The following ZNF385D variants were observed in gnomAD, a reference collection of about 807,000 sequenced individuals.
ZNF385D encodes the protein zinc finger protein 659.
A neutral mutation model predicts 35.8 loss-of-function variants in ZNF385D; 15 were observed. The observed-to-expected ratio is 0.42, with a 90% CI of 0.28 to 0.64. The LOEUF is 0.64. Among genes scored for constraint, ZNF385D ranks in the 30% least tolerant of loss-of-function variants. The probability of loss-of-function intolerance (pLI) is 0.23; values close to 1 mark genes in which losing one functional copy is unlikely to be tolerated. For missense variants in ZNF385D, 474 were observed against 494.6 expected (o/e 0.96, Z 0.39); for synonymous variants, 212 against 186.8 (o/e 1.13, Z -1.10).
rs530046982 is a variant in ZNF385D at position 21,437,316 on chromosome 3, A to C, written c.440-113T>G. The C allele has an allele frequency of 6.9e-6, 7 of 1,018,280 alleles. No individual in the cohort carries two copies. In the East Asian group the frequency reaches 1.6e-4, roughly 23 times the overall value. 63.1% of individuals were successfully genotyped at this position (1,018,280 alleles called of 1,614,324 possible). Reference sequence around the variant, plus strand: ...GCTTATAATGATAAGAGCAGCTAGCAATTGCTGTTTGTCAAGGATGCATCA... The same window carrying C: ...GCTTATAATGATAAGAGCAGCTAGCCATTGCTGTTTGTCAAGGATGCATCA... On this transcript the variant is annotated intron_variant, in intron 4 of 7. Transcript: ENST00000281523.
intron 3 of ZNF385D, among the ~76,000 whole-genome samples, chr3:21,770,445 T>C (rs1185394272): frequency 1.3e-5 from 2 of 152,080 alleles, no homozygotes; most frequent in African/African-American, 4.8e-5. Context: ...AACAGACACT[T>C]CTCAAAAGAA....
intron 2 of ZNF385D, among the ~76,000 whole-genome samples, chr3:21,641,396 G>A (rs1438478726): frequency 1.3e-5 from 2 of 151,350 alleles, no homozygotes; most frequent in Non-Finnish European, 2.9e-5. Context: ...GAGGTATGTG[G>A]GGGAGTAAAC....
intron 2 of ZNF385D, among the ~76,000 whole-genome samples, chr3:21,597,495 A>G (rs1219461884): frequency 6.6e-6 from 1 of 152,176 alleles, no homozygotes; most frequent in Non-Finnish European, 1.5e-5. Flanking sequence ...TTTATAAAGG[A>G]GAAAGAGAGA....
chr3:21,613,247 A>C (rs1227552772), intron 2 of ZNF385D, among the ~76,000 whole-genome samples: 2 of 152,024 alleles, frequency 1.3e-5, no homozygotes, highest in African/African-American at 4.8e-5. Context: ...TGTATACCCA[A>C]CTCAACTTCC....
At position 22,007,534 on chromosome 3, in the gene ZNF385D, G is replaced by A. The variant is rs1696287694; in HGVS notation, c.325+161283C>T. ...ATGGCATTCATTGCTGGCTTCATGG[G>A]AAATGGTTATGTAATTTTGAAAAAT... On this transcript the variant is annotated intron_variant, in intron 3 of 5. Coordinates refer to the ZNF385D transcript ENST00000494108. Among the ~76,000 whole-genome samples the A allele has an allele frequency of 2.6e-5, 4 of 152,184 alleles. No homozygotes were observed. In the South Asian group the frequency reaches 8.3e-4, roughly 31 times the overall value.
intron 4 of ZNF385D, among the ~76,000 whole-genome samples, chr3:21,482,550 A>C (rs1704707441): frequency 6.6e-6 from 1 of 152,128 alleles, no homozygotes; most frequent in Non-Finnish European, 1.5e-5. Context: ...AAACCCAAGA[A>C]ACCTGGGAGA....
At chr3:22,314,414 T>C (rs1483262882) in intron 2 of ZNF385D, among the ~76,000 whole-genome samples, 1 of 152,188 alleles carries the variant, frequency 6.6e-6, no homozygotes, top group East Asian at 1.9e-4. Context: ...AGAATAATAG[T>C]CTCCAATCCC....
At chr3:22,269,762 C>T (rs1701079198) in intron 2 of ZNF385D, among the ~76,000 whole-genome samples, 2 of 151,782 alleles carry the variant, frequency 1.3e-5, no homozygotes, top group Non-Finnish European at 2.9e-5. Context: ...CCTCCAAACA[C>T]CACCCTATAG....
chr3:22,157,636 A>G (rs1167605011), intron 3 of ZNF385D, among the ~76,000 whole-genome samples: 1 of 152,152 alleles, frequency 6.6e-6, no homozygotes, highest in Non-Finnish European at 1.5e-5. Flanking sequence ...CCTCTTATGC[A>G]TTGATTAGTT....
At chr3:21,778,207 T>G (rs1175794710) in intron 3 of ZNF385D, among the ~76,000 whole-genome samples, 1 of 151,884 alleles carries the variant, frequency 6.6e-6, no homozygotes, top group East Asian at 1.9e-4. Context: ...ATACCCAATT[T>G]TCTCAGGCTC....
intron 3 of ZNF385D, among the ~76,000 whole-genome samples, chr3:22,101,022 C>A (rs1701911942): frequency 1.3e-5 from 2 of 151,802 alleles, no homozygotes; most frequent in Non-Finnish European, 2.9e-5. Context: ...ATGGGCTACC[C>A]AAACAGTTTC....
intron 3 of ZNF385D, among the ~76,000 whole-genome samples, chr3:21,989,144 G>C (rs545867701): frequency 6.6e-6 from 1 of 152,124 alleles, no homozygotes; most frequent in African/African-American, 2.4e-5. Context: ...GCTGTAGACC[G>C]GAGCTGTTCC....
At chr3:21,955,808 T>C (rs577307366) in intron 3 of ZNF385D, among the ~76,000 whole-genome samples, 1 of 152,246 alleles carries the variant, frequency 6.6e-6, no homozygotes, top group South Asian at 2.1e-4. Context: ...ACATGCTAAG[T>C]ACTACTGGTG....
intron 3 of ZNF385D, among the ~76,000 whole-genome samples, chr3:21,815,507 G>A (rs1424489268): frequency 2.6e-5 from 4 of 152,162 alleles, no homozygotes; most frequent in Non-Finnish European, 5.9e-5. Context: ...TATCACCACT[G>A]ATCCCACAGA....
At chr3:21,519,815 C>A (rs1002960212) in intron 3 of ZNF385D, among the ~76,000 whole-genome samples, 1 of 152,148 alleles carries the variant, frequency 6.6e-6, no homozygotes, top group East Asian at 1.9e-4. Flanking sequence ...TCAGAATGCC[C>A]ATAGCTTAAT....
At chr3:22,064,990 T>C (rs957134864) in intron 3 of ZNF385D, among the ~76,000 whole-genome samples, 1 of 152,210 alleles carries the variant, frequency 6.6e-6, no homozygotes, top group Non-Finnish European at 1.5e-5. Flanking sequence ...CGGTATAATG[T>C]TGTAATTAAG....
chr3:22,138,585 A>C (rs1388007784), intron 3 of ZNF385D, among the ~76,000 whole-genome samples: 2 of 151,568 alleles, frequency 1.3e-5, no homozygotes, highest in Admixed American at 6.6e-5. Flanking sequence ...CTTATTTAAT[A>C]AATGGTGCTG....
intron 3 of ZNF385D, among the ~76,000 whole-genome samples, chr3:21,909,513 A>C (rs1174054889): frequency 6.6e-6 from 1 of 152,018 alleles, no homozygotes. Flanking sequence ...TTTGTCTTTA[A>C]ATATAGCTAA....
At chr3:22,108,548 A>G (rs1702347250) in intron 3 of ZNF385D, among the ~76,000 whole-genome samples, 1 of 152,170 alleles carries the variant, frequency 6.6e-6, no homozygotes, top group Admixed American at 6.6e-5. Flanking sequence ...ATGTGGAACT[A>G]AGGATTTTAC....
Sources: gnomAD v4.1 joint callset for allele counts (sites outside exome capture counted in the v4.1 genomes callset) on GRCh38, gnomAD v4.1.1 for gene constraint, MANE v1.5 for transcripts, NCBI Gene and HGNC (gene_info 2026-07-23, HGNC 2026-07-21) for gene names.